The following DPP10 variants were observed in gnomAD, a reference collection of about 807,000 sequenced individuals.
DPP10 encodes the protein dipeptidyl peptidase like 10, also known as inactive dipeptidyl peptidase 10.
In DPP10, 33 loss-of-function variants were observed where a neutral mutation model predicts 120.9. The ratio of observed to expected loss-of-function variants is 0.27; its 90% CI spans 0.21 to 0.37. DPP10 has a LOEUF of 0.37. Among genes scored for constraint, DPP10 ranks in the 10% least tolerant of loss-of-function variants. The pLI is 1.00. For synonymous variants in DPP10, 337 were observed against 326.1 expected (o/e 1.03, Z -0.36); for missense variants, 816 against 942.8 (o/e 0.87, Z 1.76).
chr2:115,713,440 T>G (rs926581273), intron 7 of DPP10, among the ~76,000 whole-genome samples: 2 of 152,148 alleles, frequency 1.3e-5, no homozygotes, highest in Admixed American at 1.3e-4. Flanking sequence ...AAGGTCAATT[T>G]TTAGTGGCAA....
Position 114,467,944 on chromosome 2 carries a change from G to A in DPP10, c.60+25106G>A, listed in dbSNP as rs534063770. 3.9e-5 allele frequency among the ~76,000 whole-genome samples: 6 copies of A among 152,242 alleles called. No individual in the cohort carries two copies. The East Asian group carries it at 5.8e-4, about 15-fold the overall frequency. On this transcript the variant is annotated intron_variant, in intron 1 of 25. Coordinates refer to ENST00000410059, the MANE Select transcript of DPP10 (RefSeq NM_020868.6). ...TGAGGTGGGAGAATCACATGAGCCC[G>A]GGAAGGTTGAGGTAGCAGTGAGCTG...
intron 1 of DPP10, among the ~76,000 whole-genome samples, chr2:115,077,634 C>T (rs2104475414): frequency 6.6e-6 from 1 of 152,292 alleles, no homozygotes; most frequent in Non-Finnish European, 1.5e-5. Flanking sequence ...GATAAAGTCA[C>T]ATAACAACAG....
chr2:114,781,897 T>C (rs1223472467), intron 1 of DPP10, among the ~76,000 whole-genome samples: 3 of 152,156 alleles, frequency 2.0e-5, no homozygotes, highest in African/African-American at 7.2e-5. Context: ...TTCTAAATTT[T>C]CCACAATCAT....
At chr2:115,316,341 A>G (rs1465278013) in intron 2 of DPP10, among the ~76,000 whole-genome samples, 5 of 152,206 alleles carry the variant, frequency 3.3e-5, no homozygotes, top group African/African-American at 1.2e-4. Context: ...GTTAAGACAT[A>G]TTCTTGTGCC....
At chr2:114,585,920 A>G (rs1340941862) in intron 1 of DPP10, among the ~76,000 whole-genome samples, 1 of 152,252 alleles carries the variant, frequency 6.6e-6, no homozygotes, top group Non-Finnish European at 1.5e-5. Flanking sequence ...GTGACTTTGT[A>G]TTACAAATAC....
At chr2:115,805,996 C>T (rs778609002) in intron 19 of DPP10, among the ~76,000 whole-genome samples, 7 of 152,106 alleles carry the variant, frequency 4.6e-5, no homozygotes, top group Non-Finnish European at 1.0e-4. Flanking sequence ...AGCAATATGC[C>T]TCATGTTGGA....
chr2:115,634,823 G>C (rs1216973320), intron 5 of DPP10, among the ~76,000 whole-genome samples: 1 of 152,192 alleles, frequency 6.6e-6, no homozygotes, highest in Non-Finnish European at 1.5e-5. Context: ...CAAAGACTAA[G>C]TCTACTGATT....
At chr2:115,086,373 C>A (rs1708695272) in intron 1 of DPP10, among the ~76,000 whole-genome samples, 1 of 152,036 alleles carries the variant, frequency 6.6e-6, no homozygotes, top group Admixed American at 6.6e-5. Flanking sequence ...TTTAAATTTA[C>A]CCATAGCCTG....
intron 1 of DPP10, among the ~76,000 whole-genome samples, chr2:115,118,253 A>G (rs993867889): frequency 2.6e-5 from 4 of 152,136 alleles, no homozygotes; most frequent in African/African-American, 9.7e-5. Flanking sequence ...ATCTGTTACT[A>G]TCACTGTAGT....
intron 1 of DPP10, among the ~76,000 whole-genome samples, chr2:114,445,060 C>A (rs1293962737): frequency 6.6e-6 from 1 of 151,976 alleles, no homozygotes; most frequent in African/African-American, 2.4e-5. Flanking sequence ...AATGCAATAA[C>A]AATCTAAAGA....
At chr2:115,650,983 CT>C (rs1436411431) in intron 5 of DPP10, among the ~76,000 whole-genome samples, 1 of 151,988 alleles carries the variant, frequency 6.6e-6, no homozygotes, top group Non-Finnish European at 1.5e-5. Context: ...CAAGCCTTCC[CT>C]AAATCCCCTG....
chr2:114,596,791 A>G (rs929326565), intron 1 of DPP10, among the ~76,000 whole-genome samples: 3 of 152,070 alleles, frequency 2.0e-5, no homozygotes, highest in African/African-American at 7.2e-5. Context: ...ATGATTTGGT[A>G]CAAATATGCC....
At chr2:114,718,095 A>C (rs990486329) in intron 1 of DPP10, among the ~76,000 whole-genome samples, 2 of 152,058 alleles carry the variant, frequency 1.3e-5, no homozygotes, top group Non-Finnish European at 2.9e-5. Flanking sequence ...ACAAAAAAAA[A>C]ACAGGGACTC....
intron 3 of DPP10, among the ~76,000 whole-genome samples, chr2:115,465,576 A>G (rs1381049092): frequency 6.6e-6 from 1 of 152,112 alleles, no homozygotes; most frequent in East Asian, 1.9e-4. Context: ...TAATCCCAGT[A>G]CTTTGGGAGG....
At chr2:114,817,385 G>C (rs1685728638) in intron 1 of DPP10, among the ~76,000 whole-genome samples, 1 of 152,146 alleles carries the variant, frequency 6.6e-6, no homozygotes, top group Non-Finnish European at 1.5e-5. Flanking sequence ...ACAGAGGTGA[G>C]GATGAGGCTA....
At chr2:115,472,900 A>G (rs1312788737) in intron 3 of DPP10, among the ~76,000 whole-genome samples, 1 of 152,210 alleles carries the variant, frequency 6.6e-6, no homozygotes, top group South Asian at 2.1e-4. Flanking sequence ...TCTAGAAGGC[A>G]TGTATTTGCC....
intron 1 of DPP10, among the ~76,000 whole-genome samples, chr2:114,620,455 T>TTAAATTAATTA (rs1365727154): frequency 2.6e-5 from 4 of 152,024 alleles, no homozygotes; most frequent in Non-Finnish European, 5.9e-5. Context: ...TTAATTTTAA[T>TTAAATTAATTA]GGACTGACAT....
At chr2:115,110,531 C>T (rs995214923) in intron 1 of DPP10, among the ~76,000 whole-genome samples, 1 of 151,968 alleles carries the variant, frequency 6.6e-6, no homozygotes, top group African/African-American at 2.4e-5. Context: ...CTATAAGTTA[C>T]ATTATTTAAA....
chr2:115,703,574 T>A (rs1409137319), intron 7 of DPP10, among the ~76,000 whole-genome samples: 2 of 151,986 alleles, frequency 1.3e-5, no homozygotes, highest in African/African-American at 2.4e-5. Context: ...TTAGGCACAA[T>A]TTCTTGAAGC....
Sources: allele counts gnomAD v4.1 joint callset (sites outside exome capture counted in the v4.1 genomes callset), GRCh38; gene constraint gnomAD v4.1.1; transcripts MANE v1.5; gene names NCBI Gene and HGNC (gene_info 2026-07-23, HGNC 2026-07-21).